The following NPAS3 variants were observed in gnomAD, a reference collection of about 807,000 sequenced individuals.
The protein encoded by NPAS3 is neuronal PAS domain protein 3, also known as neuronal PAS domain-containing protein 3.
NPAS3 carries 14 observed loss-of-function variants against 73.1 expected under a neutral mutation model. The observed-to-expected ratio is 0.19, with a 90% CI of 0.13 to 0.30. NPAS3 has a LOEUF of 0.30. NPAS3 is among the 10% of genes least tolerant of loss of function. The pLI, the probability that NPAS3 is intolerant of heterozygous loss-of-function variation, is 1.00. For synonymous variants in NPAS3, 620 were observed against 541.5 expected (o/e 1.14, Z -2.01); for missense variants, 1,096 against 1,250.0 (o/e 0.88, Z 1.86).
At chr14:33,587,192 G>A (rs550272330) in intron 5 of NPAS3, among the ~76,000 whole-genome samples, 59 of 152,130 alleles carry the variant, frequency 3.9e-4, no homozygotes, top group African/African-American at 1.4e-3. Context: ...GTTGTCAATT[G>A]ATCAAGATTG....
At chr14:32,934,809 C>A, upstream of NPAS3, 1 of 280,852 alleles carries the variant, frequency 3.6e-6, no homozygotes, top group Non-Finnish European at 5.4e-6. This position sits in a 1 kb window ranked among gnomAD's most constrained non-coding sequence, Gnocchi z 4.1. Flanking sequence ...CCAGCCAGAG[C>A]CCAGAGCCGC....
intron 2 of NPAS3, among the ~76,000 whole-genome samples, chr14:33,163,488 A>AATACTTGCTGGACAAG (rs2044989252): frequency 1.3e-5 from 2 of 152,262 alleles, no homozygotes; most frequent in African/African-American, 4.8e-5. Context: ...CTTTCTACAA[A>AATACTTGCTGGACAAG]ATACTTGCTG....
At chr14:33,457,591 C>T (rs2050078268) in intron 4 of NPAS3, among the ~76,000 whole-genome samples, 1 of 152,146 alleles carries the variant, frequency 6.6e-6, no homozygotes, top group Non-Finnish European at 1.5e-5. Flanking sequence ...ACCTTAATTG[C>T]TTCTATTTTC....
intron 1 of NPAS3, among the ~76,000 whole-genome samples, chr14:33,014,228 A>G (rs2039315253): frequency 6.6e-6 from 1 of 152,200 alleles, no homozygotes; most frequent in Non-Finnish European, 1.5e-5. Flanking sequence ...GGATGCTAAG[A>G]TGCATTTTTA....
intron 2 of NPAS3, among the ~76,000 whole-genome samples, chr14:33,070,328 G>A (rs2041441825): frequency 6.6e-6 from 1 of 150,476 alleles, no homozygotes; most frequent in South Asian, 2.1e-4. Flanking sequence ...CTTATTATCA[G>A]CAACTATATG....
In NPAS3 at chr14:33,585,680, A is replaced by G. The variant is rs138795205; in HGVS notation, c.558+25470A>G. 3.6e-4 allele frequency among the ~76,000 whole-genome samples: 55 copies of G among 152,310 alleles called. 1 individual carries two copies. The highest frequency in any genetic ancestry group is 1.2e-3 in the African/African-American group (49 of 41,568). On this transcript the variant is annotated intron_variant, in intron 5 of 11. Coordinates refer to ENST00000356141, the Ensembl canonical transcript of NPAS3. ...ATCTTAAGCTATGCAATGCCAACCT[A>G]TTATCAGAACTAATGTCATTAATGT...
At chr14:33,391,707 T>C (rs956288653) in intron 4 of NPAS3, among the ~76,000 whole-genome samples, 4 of 152,156 alleles carry the variant, frequency 2.6e-5, no homozygotes, top group Admixed American at 6.5e-5. Flanking sequence ...TGATCAGAAA[T>C]AGAAAACGCA....
chr14:33,145,290 A>G (rs2044198655), intron 2 of NPAS3, among the ~76,000 whole-genome samples: 1 of 152,166 alleles, frequency 6.6e-6, no homozygotes, highest in Admixed American at 6.5e-5. Flanking sequence ...GTCCAACAGG[A>G]TATTTGTTAA....
intron 4 of NPAS3, among the ~76,000 whole-genome samples, chr14:33,381,349 C>T (rs1333314489): frequency 2.0e-5 from 3 of 152,210 alleles, no homozygotes; most frequent in Non-Finnish European, 2.9e-5. Context: ...ATTATCTCTG[C>T]TCAATGATTA....
intron 2 of NPAS3, among the ~76,000 whole-genome samples, chr14:33,162,465 A>C (rs2044932247): frequency 6.6e-6 from 1 of 152,142 alleles, no homozygotes; most frequent in Non-Finnish European, 1.5e-5. Context: ...ATAAGGACTA[A>C]TCTTCTGATC....
intron 5 of NPAS3, among the ~76,000 whole-genome samples, chr14:33,642,720 A>C (rs2058707679): frequency 6.6e-6 from 1 of 152,168 alleles, no homozygotes; most frequent in Non-Finnish European, 1.5e-5. Flanking sequence ...TTTTTTAATT[A>C]GCAGGAAAAC....
At position 32,948,654 on chromosome 14, in the gene NPAS3, C is replaced by T. The variant is rs138774990; in HGVS notation, c.50+9288C>T. ...ATCGCTAATCCATGCAGTATTGGTTCATCTCCATCACTCTGTTCTGTGATT... is the reference window on the plus strand; with the variant it reads ...ATCGCTAATCCATGCAGTATTGGTTTATCTCCATCACTCTGTTCTGTGATT... On this transcript the variant is annotated intron_variant, in intron 1 of 11. Transcript: ENST00000356141. Among the ~76,000 whole-genome samples the T allele has an allele frequency of 3.6e-3, 548 of 152,214 alleles. 1 individual carries two copies. Among genetic ancestry groups the T allele is most frequent in the African/African-American group, 0.012 (512 of 41,544 alleles).
chr14:32,972,719 A>G (rs2037488729), intron 1 of NPAS3, among the ~76,000 whole-genome samples: 1 of 152,220 alleles, frequency 6.6e-6, no homozygotes, highest in South Asian at 2.1e-4. Context: ...GTCACAGAGT[A>G]GATCCTTCAT....
At chr14:33,320,493 C>A (rs1594683623) in intron 3 of NPAS3, among the ~76,000 whole-genome samples, 1 of 151,938 alleles carries the variant, frequency 6.6e-6, no homozygotes, top group East Asian at 1.9e-4. Context: ...TCAGAGAGAC[C>A]AGAAATACAG....
At chr14:33,548,534 G>T (rs10130910) in intron 4 of NPAS3, among the ~76,000 whole-genome samples, 2 of 151,994 alleles carry the variant, frequency 1.3e-5, no homozygotes, top group African/African-American at 4.8e-5. Flanking sequence ...CTAGATTATT[G>T]GTACAGCAAA....
At chr14:33,300,296 G>A (rs181458727) in intron 3 of NPAS3, among the ~76,000 whole-genome samples, 84 of 152,292 alleles carry the variant, frequency 5.5e-4, no homozygotes, top group African/African-American at 2.0e-3. Flanking sequence ...TGCAAGCTGT[G>A]CTTTTAATTG....
At chr14:33,310,957 A>G (rs1404248841) in intron 3 of NPAS3, among the ~76,000 whole-genome samples, 3 of 152,090 alleles carry the variant, frequency 2.0e-5, no homozygotes. Flanking sequence ...TCTAGACTTC[A>G]ATTAAATTAG....
At chr14:33,663,381 T>C (rs1217161849) in intron 5 of NPAS3, among the ~76,000 whole-genome samples, 3 of 152,174 alleles carry the variant, frequency 2.0e-5, no homozygotes, top group Non-Finnish European at 4.4e-5. Context: ...TTGATTTGCG[T>C]ATGTTGAACC....
chr14:33,373,027 A>G (rs2046158397), intron 4 of NPAS3, among the ~76,000 whole-genome samples: 1 of 152,216 alleles, frequency 6.6e-6, no homozygotes. Context: ...TAAGGACCAG[A>G]TAGGATATTT....
Sources: gnomAD v4.1 joint callset for allele counts (sites outside exome capture counted in the v4.1 genomes callset) on GRCh38, gnomAD v4.1.1 for gene constraint, Gnocchi (gnomAD v3.1) non-coding constraint, MANE v1.5 for transcripts, NCBI Gene and HGNC (gene_info 2026-07-23, HGNC 2026-07-21) for gene names.